SIPA1L1: variants seen among roughly 807,000 people sequenced by gnomAD.
SIPA1L1 encodes signal induced proliferation associated 1 like 1.
A neutral mutation model predicts 162.7 loss-of-function variants in SIPA1L1; 26 were observed. The observed-to-expected ratio is 0.16, with a 90% CI of 0.12 to 0.22. The LOEUF is 0.22. SIPA1L1 is among the 10% of genes least tolerant of loss of function. SIPA1L1 has a pLI of 1.00. For missense variants in SIPA1L1, 1,874 were observed against 2,241.0 expected, an observed-to-expected ratio of 0.84 and a Z score of 3.31; for synonymous variants, 829 against 837.4, an observed-to-expected ratio of 0.99 and a Z score of 0.17.
chr14:71,329,545 A>G (rs999367320), intron 2 of SIPA1L1, among the ~76,000 whole-genome samples: 2 of 151,812 alleles, frequency 1.3e-5, no homozygotes, highest in Non-Finnish European at 2.9e-5. Flanking sequence ...GGCTCAAGCA[A>G]TCCTCCTGCC....
chr14:71,646,870 C>G (rs967085073), intron 7 of SIPA1L1, among the ~76,000 whole-genome samples: 1 of 152,044 alleles, frequency 6.6e-6, no homozygotes, highest in African/African-American at 2.4e-5. Context: ...ATCCATAAGC[C>G]CACGTAGGTA....
chr14:71,393,696 C>T (rs148828663), intron 2 of SIPA1L1, among the ~76,000 whole-genome samples: 4 of 152,266 alleles, frequency 2.6e-5, no homozygotes, highest in East Asian at 1.9e-4. Context: ...TGGCATGTAC[C>T]TGAAGTCCCA....
At chr14:71,340,705 G>A (rs2035559269) in intron 2 of SIPA1L1, among the ~76,000 whole-genome samples, 1 of 151,990 alleles carries the variant, frequency 6.6e-6, no homozygotes, top group Non-Finnish European at 1.5e-5. Context: ...GCTTTACTGA[G>A]AAAAATTTGA....
chr14:71,526,739 A>T (rs1036146137), intron 3 of SIPA1L1, among the ~76,000 whole-genome samples: 4 of 152,180 alleles, frequency 2.6e-5, no homozygotes, highest in African/African-American at 9.7e-5. Context: ...GAAAAAAAAA[A>T]TCCTGATTCC....
chr14:71,581,603 A>G (rs1044408773), intron 4 of SIPA1L1, among the ~76,000 whole-genome samples: 8 of 152,114 alleles, frequency 5.3e-5, no homozygotes, highest in East Asian at 1.9e-4. Context: ...CAGTTGTTCA[A>G]TTTACAGTAT....
At chr14:71,363,283 G>T (rs1425795984) in intron 2 of SIPA1L1, among the ~76,000 whole-genome samples, 2 of 152,112 alleles carry the variant, frequency 1.3e-5, no homozygotes, top group African/African-American at 2.4e-5. Flanking sequence ...TGTAGAAAAA[G>T]ATCTGTACTT....
chr14:71,405,801 C>T (rs534325195), intron 2 of SIPA1L1, among the ~76,000 whole-genome samples: 1 of 152,314 alleles, frequency 6.6e-6, no homozygotes, highest in South Asian at 2.1e-4. Flanking sequence ...ATGTCTTCCA[C>T]AGGCATCTAT....
At chr14:71,493,444 CTA>C (rs1359586118) in intron 2 of SIPA1L1, among the ~76,000 whole-genome samples, 1 of 152,120 alleles carries the variant, frequency 6.6e-6, no homozygotes, top group Admixed American at 6.5e-5. Flanking sequence ...TGTTTTACTG[CTA>C]TGTTTGTGAA....
intron 2 of SIPA1L1, among the ~76,000 whole-genome samples, chr14:71,509,047 A>G (rs1428360884): frequency 2.0e-5 from 3 of 152,194 alleles, no homozygotes; most frequent in African/African-American, 4.8e-5. Flanking sequence ...ATCGGCTGAC[A>G]TGGTTAGTTA....
Position 71,685,250 on chromosome 14 carries a change from CAG to C in SIPA1L1, c.3105-109_3105-108del. ...CCAAAGATTGAAAGGTGGTTTGAAA[CAG>C]AGGGTGAAATTGTGGATCCATTTTT... On this transcript the variant is annotated intron_variant, in intron 12 of 23. Transcript: ENST00000381232. 3.3e-6 allele frequency: 4 copies of C among 1,198,430 alleles called. No individual in the cohort carries two copies. In the East Asian group the frequency reaches 7.0e-5, roughly 21 times the overall value. The allele number at this position is 1,198,430 out of a possible 1,614,324, so 74.2% of individuals were successfully genotyped here. A position where few individuals can be genotyped will look rare whatever the true frequency, so the allele number is the denominator to read the frequency against.
chr14:71,557,761 A>G (rs562348774), intron 4 of SIPA1L1, among the ~76,000 whole-genome samples: 1 of 152,212 alleles, frequency 6.6e-6, no homozygotes, highest in Admixed American at 6.5e-5. Context: ...AACCTACCTT[A>G]CTTTCCTGTG....
chr14:71,505,667 T>G (rs1228248838), intron 2 of SIPA1L1, among the ~76,000 whole-genome samples: 1 of 152,160 alleles, frequency 6.6e-6, no homozygotes, highest in African/African-American at 2.4e-5. Context: ...ATATTACAAG[T>G]TGAACATCTC....
At chr14:71,335,870 A>G (rs903755359) in intron 2 of SIPA1L1, among the ~76,000 whole-genome samples, 4 of 152,242 alleles carry the variant, frequency 2.6e-5, no homozygotes, top group Non-Finnish European at 4.4e-5. Flanking sequence ...GGTACCCAGT[A>G]TATTACTTGA....
intron 3 of SIPA1L1, among the ~76,000 whole-genome samples, chr14:71,516,312 C>T (rs527474890): frequency 5.9e-5 from 9 of 152,310 alleles, no homozygotes; most frequent in African/African-American, 2.2e-4. Context: ...CAAATTGATA[C>T]ACTCTACTTG....
intron 2 of SIPA1L1, among the ~76,000 whole-genome samples, chr14:71,405,904 G>A (rs770494097): frequency 1.4e-4 from 22 of 152,182 alleles, no homozygotes; most frequent in Admixed American, 4.6e-4. Context: ...ATGGGAACAC[G>A]TTAGAGGCTT....
intron 2 of SIPA1L1, among the ~76,000 whole-genome samples, chr14:71,489,256 G>A (rs991420207): frequency 2.0e-5 from 3 of 152,244 alleles, no homozygotes; most frequent in South Asian, 2.1e-4. Context: ...GATGCACATC[G>A]CTCTGTTTTA....
intron 15 of SIPA1L1, 37 bp downstream of exon 15, chr14:71,702,542 T>G: frequency 1.2e-6 from 2 of 1,604,368 alleles, no homozygotes; most frequent in Non-Finnish European, 1.7e-6. Context: ...AAGTTGCTTT[T>G]ACAAGGTGAC....
intron 13 of SIPA1L1, among the ~76,000 whole-genome samples, chr14:71,692,391 G>T (rs1372759183): frequency 6.6e-6 from 1 of 152,178 alleles, no homozygotes; most frequent in Non-Finnish European, 1.5e-5. Flanking sequence ...CCTTCAAAAG[G>T]TTTTAGTTGG....
chr14:71,514,529 C>T (rs2051509750), intron 3 of SIPA1L1, among the ~76,000 whole-genome samples: 1 of 152,178 alleles, frequency 6.6e-6, no homozygotes, highest in Non-Finnish European at 1.5e-5. Context: ...CTACCTTTCC[C>T]TGGTGCTGCC....
Sources: gnomAD v4.1 joint callset for allele counts (sites outside exome capture counted in the v4.1 genomes callset) on GRCh38, gnomAD v4.1.1 for gene constraint, MANE v1.5 for transcripts, NCBI Gene and HGNC (gene_info 2026-07-23, HGNC 2026-07-21) for gene names.